FAM171B: variants seen among roughly 807,000 people sequenced by gnomAD.
FAM171B encodes the protein family with sequence similarity 171 member B.
A neutral mutation model predicts 75.6 loss-of-function variants in FAM171B; 19 were observed. The ratio of observed to expected loss-of-function variants is 0.25; its 90% CI spans 0.18 to 0.37. The LOEUF (loss-of-function observed/expected upper bound fraction) is 0.37, where lower values mean the gene tolerates loss of function less well. Among genes scored for constraint, FAM171B ranks in the 10% least tolerant of loss-of-function variants. FAM171B has a pLI of 1.00. For missense variants in FAM171B, 848 were observed against 982.4 expected (o/e 0.86, Z 1.83); for synonymous variants, 367 against 361.7 (o/e 1.01, Z -0.17).
chr2:186,700,217 G>A (rs552982999), intron 1 of FAM171B, among the ~76,000 whole-genome samples: 79 of 151,690 alleles, frequency 5.2e-4, no homozygotes, highest in South Asian at 3.3e-3. Context: ...AAACTGCTTC[G>A]GGTAGTATGG....
At chr2:186,733,174 C>T (rs181169328) in intron 1 of FAM171B, among the ~76,000 whole-genome samples, 7 of 152,204 alleles carry the variant, frequency 4.6e-5, no homozygotes, top group East Asian at 1.9e-4. Context: ...TCTGAATCTT[C>T]GTTTTTTGAA....
intron 1 of FAM171B, among the ~76,000 whole-genome samples, chr2:186,720,722 GAAAAC>G (rs1229097416): frequency 3.9e-5 from 5 of 128,952 alleles, no homozygotes; most frequent in Non-Finnish European, 6.6e-5. Flanking sequence ...AAAAAGAAAA[GAAAAC>G]AAAACAAAAC....
intron 1 of FAM171B, among the ~76,000 whole-genome samples, chr2:186,701,445 G>A (rs1689660101): frequency 6.6e-6 from 1 of 152,050 alleles, no homozygotes; most frequent in Non-Finnish European, 1.5e-5. Flanking sequence ...TAGGTCTTTA[G>A]ACTTACTCAT....
intron 1 of FAM171B, among the ~76,000 whole-genome samples, chr2:186,737,084 A>G (rs978778441): frequency 1.3e-5 from 2 of 152,224 alleles, no homozygotes; most frequent in East Asian, 1.9e-4. Flanking sequence ...CTGATTTTAC[A>G]TATGACCAAA....
intron 6 of FAM171B, among the ~76,000 whole-genome samples, chr2:186,757,095 G>T (rs1328013238): frequency 6.6e-6 from 1 of 152,044 alleles, no homozygotes; most frequent in African/African-American, 2.4e-5. Flanking sequence ...CCTCGTGCAG[G>T]CATGATCAAT....
At chr2:186,723,406 A>G (rs1349048152) in intron 1 of FAM171B, among the ~76,000 whole-genome samples, 1 of 152,172 alleles carries the variant, frequency 6.6e-6, no homozygotes, top group Non-Finnish European at 1.5e-5. Flanking sequence ...TGGTAATTCT[A>G]TATTCAAAAA....
At chr2:186,731,359 A>G (rs1205745523) in intron 1 of FAM171B, among the ~76,000 whole-genome samples, 1 of 152,232 alleles carries the variant, frequency 6.6e-6, no homozygotes, top group East Asian at 1.9e-4. Context: ...AGCACTAGAA[A>G]GCACAATGGT....
At chr2:186,705,524 G>A (rs920214830) in intron 1 of FAM171B, among the ~76,000 whole-genome samples, 1 of 152,046 alleles carries the variant, frequency 6.6e-6, no homozygotes, top group African/African-American at 2.4e-5. Context: ...CGTTCAATGT[G>A]CTTTGAGATT....
chr2:186,696,045 G>A (rs1216258355), intron 1 of FAM171B, among the ~76,000 whole-genome samples: 1 of 152,086 alleles, frequency 6.6e-6, no homozygotes, highest in Non-Finnish European at 1.5e-5. Context: ...GCAATAATAT[G>A]AAACCTGAAT....
chr2:186,701,741 G>A (rs920798270), intron 1 of FAM171B, among the ~76,000 whole-genome samples: 1 of 152,154 alleles, frequency 6.6e-6, no homozygotes, highest in African/African-American at 2.4e-5. Context: ...ATATGCCATT[G>A]TGTTGAATTT....
At chr2:186,742,742 C>A (rs1304611633) in intron 2 of FAM171B, among the ~76,000 whole-genome samples, 3 of 152,114 alleles carry the variant, frequency 2.0e-5, no homozygotes, top group African/African-American at 7.2e-5. Flanking sequence ...ATTGAGAACT[C>A]CTCAAAACTG....
chr2:186,712,455 G>A (rs1689823097), intron 1 of FAM171B, among the ~76,000 whole-genome samples: 1 of 152,088 alleles, frequency 6.6e-6, no homozygotes, highest in Non-Finnish European at 1.5e-5. Context: ...CACATAATAG[G>A]TATTCCAACA....
chr2:186,712,113 T>C (rs774494974), intron 1 of FAM171B, among the ~76,000 whole-genome samples: 18 of 152,202 alleles, frequency 1.2e-4, no homozygotes, highest in Non-Finnish European at 1.9e-4. Flanking sequence ...TGAATATATA[T>C]ATTAAGGGAA....
At chr2:186,718,282 C>T (rs1361693039) in intron 1 of FAM171B, among the ~76,000 whole-genome samples, 1 of 152,210 alleles carries the variant, frequency 6.6e-6, no homozygotes, top group African/African-American at 2.4e-5. Context: ...ACCTTCCTTA[C>T]ATCAGCAGCG....
In FAM171B at chr2:186,762,232, C is replaced by A. The variant is rs541902993; in HGVS notation, c.1890C>A (p.Ser630=). Residue 630 remains serine (S), a synonymous_variant, in exon 8 of 8, where the codon TCC becomes TCA. Coordinates refer to ENST00000304698, the MANE Select transcript of FAM171B (RefSeq NM_177454.4). This position sits in a 1 kb window ranked among gnomAD's most constrained non-coding sequence, Gnocchi z 4.0. ...WSRYSSSLLE[S]VSVPGTLNEA... The stretch of plus-strand genomic sequence containing the variant: ...GATACTCAAGCAGCTTACTGGAATC[C>A]GTCTCTGTTCCTGGAACACTAAATG... The A allele has an allele frequency of 2.9e-5, 47 of 1,613,702 alleles. No individual in the cohort carries two copies. The South Asian group carries it at 4.8e-4, about 17-fold the overall frequency.
At chr2:186,737,732 T>C (rs1328652325) in intron 1 of FAM171B, among the ~76,000 whole-genome samples, 9 of 152,242 alleles carry the variant, frequency 5.9e-5, no homozygotes, top group Admixed American at 5.9e-4. Context: ...AAAAACATCT[T>C]CTGCTTTCCA....
intron 1 of FAM171B, among the ~76,000 whole-genome samples, chr2:186,711,891 G>A (rs1224966370): frequency 1.3e-5 from 2 of 152,004 alleles, no homozygotes; most frequent in Non-Finnish European, 2.9e-5. Flanking sequence ...TTATCTAATT[G>A]TATCACTTAT....
At chr2:186,743,968 T>G (rs1447658607) in intron 3 of FAM171B, among the ~76,000 whole-genome samples, 1 of 152,154 alleles carries the variant, frequency 6.6e-6, no homozygotes, top group Non-Finnish European at 1.5e-5. Flanking sequence ...ATTTGTCGCT[T>G]TTTGGGAGAT....
chr2:186,762,569 CT>C lies in FAM171B; in HGVS notation c.2228del (p.Leu743GlnfsTer18), dbSNP rs1206793524. The part of the protein sequence containing the change: ...PKILYLEDLD[L>X]SSSESGTTVC... ...GATCCTTTACTTAGAAGATTTAGAC[CT>C]AAGCAGCAGTGAGAGTGGAACCACC... On this transcript the variant is annotated frameshift_variant, in exon 8 of 8. Coordinates refer to ENST00000304698, the MANE Select transcript of FAM171B (RefSeq NM_177454.4). LOFTEE classifies it high-confidence loss of function. The surrounding 1 kb of genome is among the most constrained non-coding windows in gnomAD (Gnocchi z 4.0). 1 of 1,613,482 alleles carries C rather than the reference CT, an allele frequency of 6.2e-7. No homozygotes were observed. The highest frequency in any genetic ancestry group is 1.7e-5 in the Admixed American group (1 of 59,924).
Sources: gnomAD v4.1 joint callset for allele counts (sites outside exome capture counted in the v4.1 genomes callset) on GRCh38, gnomAD v4.1.1 for gene constraint, Gnocchi (gnomAD v3.1) non-coding constraint, MANE v1.5 for transcripts, NCBI Gene and HGNC (gene_info 2026-07-23, HGNC 2026-07-21) for gene names.